SPATA6: variants seen among roughly 807,000 people sequenced by gnomAD.
The protein encoded by SPATA6 is spermatogenesis-associated protein 6.
SPATA6 carries 56 observed loss-of-function variants against 65.3 expected under a neutral mutation model. The ratio of observed to expected loss-of-function variants is 0.86; its 90% CI spans 0.69 to 1.07. SPATA6 has a LOEUF of 1.07. Among genes scored for constraint, SPATA6 ranks in the 50% least tolerant of loss-of-function variants. The pLI is 0.00. For synonymous variants in SPATA6, 199 were observed against 213.2 expected (o/e 0.93, Z 0.58); for missense variants, 590 against 594.8 (o/e 0.99, Z 0.08).
At position 48,296,502 on chromosome 1, in the gene SPATA6, A is replaced by G. The variant is rs1004572361; in HGVS notation, c.*2211T>C. On this transcript the variant is annotated 3_prime_UTR_variant, in exon 13 of 13. Transcript: ENST00000371847. ...ACAGCCAATGGCAGATACAGGTGCAATAAGTAATTTCTGTGGTACTTATTC... is the reference window on the plus strand; with the variant it reads ...ACAGCCAATGGCAGATACAGGTGCAGTAAGTAATTTCTGTGGTACTTATTC... 6.6e-6 allele frequency: 1 copy of G among 152,206 alleles called. No individual in the cohort carries two copies. 9.4% of individuals were successfully genotyped at this position (152,206 alleles called of 1,614,324 possible).
At chr1:48,352,568 A>G (rs1374654549) in intron 11 of SPATA6, among the ~76,000 whole-genome samples, 1 of 152,106 alleles carries the variant, frequency 6.6e-6, no homozygotes, top group East Asian at 1.9e-4. Flanking sequence ...GAATATAGGC[A>G]TAAGATACAT....
chr1:48,339,393 CAA>C (rs1213055245), intron 11 of SPATA6, among the ~76,000 whole-genome samples: 2 of 151,686 alleles, frequency 1.3e-5, no homozygotes, highest in Non-Finnish European at 2.9e-5. Context: ...AAGTGGTACA[CAA>C]AGAGTCAGGA....
intron 5 of SPATA6, among the ~76,000 whole-genome samples, chr1:48,409,138 A>G (rs1651975672): frequency 1.3e-5 from 2 of 152,376 alleles, no homozygotes; most frequent in South Asian, 4.1e-4. Context: ...AAAACAAGTT[A>G]GTACTTCCTA....
At chr1:48,341,639 C>T (rs1174471149) in intron 11 of SPATA6, among the ~76,000 whole-genome samples, 1 of 152,084 alleles carries the variant, frequency 6.6e-6, no homozygotes, top group Admixed American at 6.6e-5. Flanking sequence ...GGTGAAAGTT[C>T]TTGACTTGGA....
At chr1:48,313,615 G>T (rs1374896052) in intron 11 of SPATA6, among the ~76,000 whole-genome samples, 1 of 152,102 alleles carries the variant, frequency 6.6e-6, no homozygotes, top group Non-Finnish European at 1.5e-5. Flanking sequence ...GACCATCGAG[G>T]CTAGGAAGAA....
At chr1:48,389,506 CAAAA>C (rs1649830963) in intron 8 of SPATA6, among the ~76,000 whole-genome samples, 1 of 151,684 alleles carries the variant, frequency 6.6e-6, no homozygotes, top group Non-Finnish European at 1.5e-5. Context: ...AAGTCAATGA[CAAAA>C]AAAGAATCCT....
At chr1:48,272,946 T>C in the SPATA6 span, among the ~76,000 whole-genome samples, 1 of 152,146 alleles carries the variant, frequency 6.6e-6, no homozygotes. Context: ...AGGTCCTTTG[T>C]CCATTTTTAA....
intron 6 of SPATA6, among the ~76,000 whole-genome samples, chr1:48,401,166 T>G (rs908808952): frequency 6.6e-6 from 1 of 152,160 alleles, no homozygotes; most frequent in African/African-American, 2.4e-5. Flanking sequence ...CTTGCCCTTC[T>G]CATCTCCTCA....
At chr1:48,340,670 T>A (rs1646190502) in intron 11 of SPATA6, among the ~76,000 whole-genome samples, 1 of 151,944 alleles carries the variant, frequency 6.6e-6, no homozygotes, top group South Asian at 2.1e-4. Flanking sequence ...AACAGATTTA[T>A]CAGATAGTAT....
chr1:48,349,251 T>C (rs764404539), intron 11 of SPATA6, among the ~76,000 whole-genome samples: 1 of 151,956 alleles, frequency 6.6e-6, no homozygotes, highest in Non-Finnish European at 1.5e-5. Flanking sequence ...TGAGTAGTTG[T>C]CACAGGGATG....
chr1:48,287,037 C>A, the SPATA6 span, among the ~76,000 whole-genome samples: 655 of 112,522 alleles, frequency 5.8e-3, no homozygotes, highest in Middle Eastern at 0.01. Context: ...TAGACTGTCT[C>A]AAAAAAAAAA....
At chr1:48,261,817 ATT>A in the SPATA6 span, among the ~76,000 whole-genome samples, 2 of 152,146 alleles carry the variant, frequency 1.3e-5, no homozygotes, top group African/African-American at 2.4e-5. Context: ...AACTGTAATT[ATT>A]CACACCTGGC....
chr1:48,387,734 C>A (rs940389569), intron 8 of SPATA6, among the ~76,000 whole-genome samples: 2 of 152,158 alleles, frequency 1.3e-5, no homozygotes, highest in Non-Finnish European at 2.9e-5. Flanking sequence ...CCACTACTGG[C>A]ACCTGAACGC....
At chr1:48,287,072 C>T in the SPATA6 span, among the ~76,000 whole-genome samples, 18 of 150,410 alleles carry the variant, frequency 1.2e-4, no homozygotes, top group Non-Finnish European at 2.1e-4. Context: ...TTAATTGGCT[C>T]ACTGTTTTGC....
At position 48,429,530 on chromosome 1, in the gene SPATA6, G is replaced by A. The variant is rs372542534; in HGVS notation, c.239-16379C>T. On this transcript the variant is annotated intron_variant, in intron 3 of 12. Transcript: ENST00000371847. Reference sequence around the variant, plus strand: ...AAAAACTAGAGAAGACAAAAAATCTGGATTCCAGAGTTACCACATCATCAG... The same window carrying A: ...AAAAACTAGAGAAGACAAAAAATCTAGATTCCAGAGTTACCACATCATCAG... Among the ~76,000 whole-genome samples the A allele has an allele frequency of 1.4e-3, 215 of 152,046 alleles. 1 individual carries two copies. The highest frequency in any genetic ancestry group is 2.5e-3 in the Non-Finnish European group (172 of 67,972).
At chr1:48,437,249 T>C (rs1655022381) in intron 3 of SPATA6, 1 of 1,605,072 alleles carries the variant, frequency 6.2e-7, no homozygotes, top group African/African-American at 1.3e-5. Context: ...TCATGTCCTA[T>C]ATACTTGACA....
chr1:48,325,522 T>A, intron 11 of SPATA6: 1 of 1,221,610 alleles, frequency 8.2e-7, no homozygotes, highest in South Asian at 1.2e-5. Context: ...TCACTGAATG[T>A]CACCCGGGAG....
chr1:48,439,100 T>C (rs1050854424), intron 3 of SPATA6, among the ~76,000 whole-genome samples: 3 of 152,118 alleles, frequency 2.0e-5, no homozygotes, highest in Non-Finnish European at 4.4e-5. Flanking sequence ...CATAACATCT[T>C]TATAAGACAG....
At chr1:48,292,906 G>A (rs541250738), downstream of SPATA6, among the ~76,000 whole-genome samples, 7 of 152,330 alleles carry the variant, frequency 4.6e-5, no homozygotes, top group African/African-American at 1.4e-4. Context: ...CCACAGAGGC[G>A]CTGGCTGGGG....
Sources: allele counts gnomAD v4.1 joint callset (sites outside exome capture counted in the v4.1 genomes callset), GRCh38; gene constraint gnomAD v4.1.1; transcripts MANE v1.5; gene names NCBI Gene and HGNC (gene_info 2026-07-23, HGNC 2026-07-21).